Variants in RPS6KC1 observed in about 807,000 individuals in gnomAD.
The protein encoded by RPS6KC1 is inactive ribosomal protein S6 kinase delta-1.
A neutral mutation model predicts 103.8 loss-of-function variants in RPS6KC1; 54 were observed. The observed-to-expected ratio is 0.52, with a 90% CI of 0.42 to 0.65. The LOEUF (loss-of-function observed/expected upper bound fraction) is 0.65. Among genes scored for constraint, RPS6KC1 ranks in the 30% least tolerant of loss-of-function variants. RPS6KC1 has a pLI of 0.00. For missense variants in RPS6KC1, 1,151 were observed against 1,253.8 expected, an observed-to-expected ratio of 0.92 and a Z score of 1.24; for synonymous variants, 439 against 438.7, an observed-to-expected ratio of 1.00 and a Z score of -0.01.
At chr1:213,705,139 T>C in the RPS6KC1 span, among the ~76,000 whole-genome samples, 2 of 152,208 alleles carry the variant, frequency 1.3e-5, no homozygotes, top group African/African-American at 2.4e-5. Flanking sequence ...CAATGTTTGC[T>C]CAATGCCCTG....
At chr1:213,218,781 T>C (rs555196211) in intron 8 of RPS6KC1, among the ~76,000 whole-genome samples, 1 of 152,348 alleles carries the variant, frequency 6.6e-6, no homozygotes, top group Admixed American at 6.5e-5. Flanking sequence ...AAGGATTCCC[T>C]ATTTAATAAA....
chr1:213,422,247 G>A, the RPS6KC1 span, among the ~76,000 whole-genome samples: 1 of 152,148 alleles, frequency 6.6e-6, no homozygotes, highest in Non-Finnish European at 1.5e-5. Flanking sequence ...AAATCATACA[G>A]TATATGTCCT....
At chr1:213,249,318 T>G (rs2094504443) in intron 12 of RPS6KC1, among the ~76,000 whole-genome samples, 1 of 152,226 alleles carries the variant, frequency 6.6e-6, no homozygotes, top group Non-Finnish European at 1.5e-5. Context: ...AGTTTCTGTA[T>G]CCCATAACAT....
the RPS6KC1 span, among the ~76,000 whole-genome samples, chr1:213,379,601 T>G: frequency 6.6e-6 from 1 of 152,172 alleles, no homozygotes; most frequent in Non-Finnish European, 1.5e-5. Flanking sequence ...AACCTCCCAG[T>G]TTGTGGTACT....
chr1:213,641,702 A>T, the RPS6KC1 span, among the ~76,000 whole-genome samples: 21,617 of 151,932 alleles, frequency 0.14, 2,415 homozygotes, highest in African/African-American at 0.32. Context: ...ACTCAGTACA[A>T]CCCAGTTCTC....
chr1:213,085,040 T>C (rs937416660), intron 3 of RPS6KC1, among the ~76,000 whole-genome samples: 3 of 152,198 alleles, frequency 2.0e-5, no homozygotes, highest in Non-Finnish European at 2.9e-5. Context: ...CGTAAAACAA[T>C]GGAAATTTAT....
the RPS6KC1 span, among the ~76,000 whole-genome samples, chr1:213,334,775 C>A: frequency 6.6e-6 from 1 of 152,230 alleles, no homozygotes; most frequent in Non-Finnish European, 1.5e-5. Context: ...CTCTCTCTCT[C>A]TTTCTCTCCT....
the RPS6KC1 span, among the ~76,000 whole-genome samples, chr1:213,442,427 A>G: frequency 6.6e-6 from 1 of 152,210 alleles, no homozygotes; most frequent in Admixed American, 6.5e-5. Flanking sequence ...TTAAAATAAT[A>G]TAGTCTAGCA....
At chr1:213,306,434 A>G in the RPS6KC1 span, among the ~76,000 whole-genome samples, 2 of 152,356 alleles carry the variant, frequency 1.3e-5, no homozygotes, top group Non-Finnish European at 2.9e-5. Context: ...GGGAATGATG[A>G]GAGCATCCAT....
chr1:213,409,093 C>T, the RPS6KC1 span, among the ~76,000 whole-genome samples: 9 of 152,168 alleles, frequency 5.9e-5, no homozygotes, highest in African/African-American at 1.4e-4. Flanking sequence ...GTAAAGAGCA[C>T]GTTGGAGTGG....
the RPS6KC1 span, among the ~76,000 whole-genome samples, chr1:213,627,312 G>A: frequency 6.6e-6 from 1 of 152,176 alleles, no homozygotes; most frequent in South Asian, 2.1e-4. Context: ...TCAGCTTAAG[G>A]AGATTTTGGG....
intron 8 of RPS6KC1, among the ~76,000 whole-genome samples, chr1:213,181,936 G>T (rs932698637): frequency 6.6e-6 from 1 of 152,110 alleles, no homozygotes; most frequent in Admixed American, 6.5e-5. Context: ...AAATACAATG[G>T]ACTTTCTTTC....
At chr1:213,409,011 A>C in the RPS6KC1 span, among the ~76,000 whole-genome samples, 1 of 152,074 alleles carries the variant, frequency 6.6e-6, no homozygotes, top group Non-Finnish European at 1.5e-5. Context: ...GAGGTGAAGA[A>C]CTTGTCCTTC....
chr1:213,743,964 T>G, the RPS6KC1 span, among the ~76,000 whole-genome samples: 2 of 152,146 alleles, frequency 1.3e-5, no homozygotes, highest in South Asian at 4.1e-4. Context: ...GGGAACAAAA[T>G]AATGGCATTC....
At chr1:213,210,010 G>T (rs2093461528) in intron 8 of RPS6KC1, among the ~76,000 whole-genome samples, 1 of 152,128 alleles carries the variant, frequency 6.6e-6, no homozygotes, top group Non-Finnish European at 1.5e-5. Context: ...GACGACCAGA[G>T]TTGACTTTTG....
the RPS6KC1 span, among the ~76,000 whole-genome samples, chr1:213,749,699 C>T: frequency 2.0e-4 from 30 of 151,956 alleles, no homozygotes; most frequent in African/African-American, 7.0e-4. Flanking sequence ...CACTACACTT[C>T]GATGTGGTGT....
chr1:213,802,263 C>T, the RPS6KC1 span, among the ~76,000 whole-genome samples: 1 of 152,224 alleles, frequency 6.6e-6, no homozygotes, highest in South Asian at 2.1e-4. Flanking sequence ...CAACTGCATT[C>T]AGCTCAATTT....
At chr1:213,250,005 A>T (rs886292569) in intron 12 of RPS6KC1, among the ~76,000 whole-genome samples, 11 of 152,188 alleles carry the variant, frequency 7.2e-5, no homozygotes, top group African/African-American at 2.4e-4. Flanking sequence ...AGAAAAGTGG[A>T]ATTAGACATG....
intron 3 of RPS6KC1, among the ~76,000 whole-genome samples, chr1:213,104,185 T>TTC (rs896593345): frequency 2.6e-5 from 4 of 152,240 alleles, no homozygotes; most frequent in African/African-American, 9.6e-5. Context: ...AATGTCAACT[T>TTC]TCTTAAATTG....
Sources: allele counts gnomAD v4.1 joint callset (sites outside exome capture counted in the v4.1 genomes callset), GRCh38; gene constraint gnomAD v4.1.1; transcripts MANE v1.5; gene names NCBI Gene and HGNC (gene_info 2026-07-23, HGNC 2026-07-21).